Variants in FRMD4A observed in about 807,000 individuals in gnomAD.
FRMD4A encodes the protein FERM domain containing 4A, also known as FERM domain-containing protein 4A.
In FRMD4A, 29 loss-of-function variants were observed where a neutral mutation model predicts 129.1. That is an observed-to-expected ratio of 0.22 (90% CI 0.17 to 0.31). The LOEUF (loss-of-function observed/expected upper bound fraction) is 0.31, where lower values mean the gene tolerates loss of function less well. Among genes scored for constraint, FRMD4A ranks in the 10% least tolerant of loss-of-function variants. The pLI, the probability that FRMD4A is intolerant of heterozygous loss-of-function variation, is 1.00. For missense variants in FRMD4A, 1,272 were observed against 1,375.8 expected, an observed-to-expected ratio of 0.92 and a Z score of 1.19; for synonymous variants, 634 against 571.6, an observed-to-expected ratio of 1.11 and a Z score of -1.56.
intron 2 of FRMD4A, among the ~76,000 whole-genome samples, chr10:13,989,396 G>A (rs949208405): frequency 2.6e-5 from 4 of 151,816 alleles, no homozygotes; most frequent in African/African-American, 9.7e-5. Context: ...TCGCTCTGTC[G>A]CCAGGCTGGA....
chr10:13,740,410 A>AC, intron 10 of FRMD4A, 102 bp downstream of exon 10: 1 of 877,262 alleles, frequency 1.1e-6, no homozygotes, highest in Non-Finnish European at 1.9e-6. Context: ...TACACCCCCC[A>AC]CTCCCAGATA....
chr10:14,256,337 T>A (rs1844613657), intron 2 of FRMD4A, among the ~76,000 whole-genome samples: 1 of 152,144 alleles, frequency 6.6e-6, no homozygotes, highest in African/African-American at 2.4e-5. Context: ...TGACTGTAAT[T>A]CAAAAAGTGA....
intron 2 of FRMD4A, among the ~76,000 whole-genome samples, chr10:13,967,060 G>A (rs746669761): frequency 7.2e-5 from 11 of 152,186 alleles, no homozygotes; most frequent in South Asian, 2.1e-4. Flanking sequence ...ACAACGGGCC[G>A]GGCGCGGTGG....
At chr10:13,772,451 A>T (rs777773347) in intron 6 of FRMD4A, among the ~76,000 whole-genome samples, 2 of 152,068 alleles carry the variant, frequency 1.3e-5, no homozygotes, top group African/African-American at 4.8e-5. Flanking sequence ...GGAGCTGTCA[A>T]TGCTGGTTTA....
intron 2 of FRMD4A, among the ~76,000 whole-genome samples, chr10:13,951,139 C>T (rs952648588): frequency 2.0e-5 from 3 of 152,068 alleles, no homozygotes; most frequent in Non-Finnish European, 4.4e-5. Flanking sequence ...GAAGGAGCTA[C>T]AGAAACATTG....
intron 2 of FRMD4A, among the ~76,000 whole-genome samples, chr10:14,125,054 T>C (rs769574870): frequency 1.6e-4 from 25 of 152,216 alleles, no homozygotes; most frequent in Non-Finnish European, 2.4e-4. Flanking sequence ...CCTTTACAAA[T>C]GAGGTCGACG....
intron 2 of FRMD4A, among the ~76,000 whole-genome samples, chr10:14,068,071 A>G (rs1285751249): frequency 2.0e-5 from 3 of 152,258 alleles, no homozygotes; most frequent in African/African-American, 7.2e-5. Flanking sequence ...TATTAAATTA[A>G]TCAATGTGCT....
At chr10:14,056,211 T>C (rs186461954) in intron 2 of FRMD4A, among the ~76,000 whole-genome samples, 13 of 152,264 alleles carry the variant, frequency 8.5e-5, no homozygotes, top group African/African-American at 2.6e-4. Flanking sequence ...TTTGTATTTT[T>C]AGTAGAGATA....
chr10:14,272,706 T>C (rs1000260312), intron 2 of FRMD4A, among the ~76,000 whole-genome samples: 2 of 152,172 alleles, frequency 1.3e-5, no homozygotes, highest in African/African-American at 2.4e-5. Flanking sequence ...GCAATTTCAG[T>C]GAGTGACACT....
chr10:13,824,953 T>A (rs1480005684), intron 3 of FRMD4A, among the ~76,000 whole-genome samples: 5 of 149,258 alleles, frequency 3.3e-5, no homozygotes, highest in African/African-American at 1.2e-4. Context: ...TACAGGAGGA[T>A]GTGTCTAGGT....
intron 15 of FRMD4A, among the ~76,000 whole-genome samples, chr10:13,679,123 A>G (rs1159229523): frequency 6.6e-6 from 1 of 151,886 alleles, no homozygotes; most frequent in Non-Finnish European, 1.5e-5. Flanking sequence ...ATCCACTTTT[A>G]AAAAACACAT....
chr10:14,008,447 C>T (rs181908763), intron 2 of FRMD4A: 2 of 1,002,024 alleles, frequency 2.0e-6, no homozygotes, highest in African/African-American at 1.7e-5. Context: ...GCTGGCTCAG[C>T]GAGACTGCCG....
chr10:14,063,502 T>A (rs1475847963), intron 2 of FRMD4A, among the ~76,000 whole-genome samples: 1 of 151,900 alleles, frequency 6.6e-6, no homozygotes, highest in Non-Finnish European at 1.5e-5. Context: ...TAGCCCAAAT[T>A]AAAGAGCTGG....
At chr10:14,301,875 T>A (rs905848073) in intron 2 of FRMD4A, among the ~76,000 whole-genome samples, 1 of 152,126 alleles carries the variant, frequency 6.6e-6, no homozygotes, top group Non-Finnish European at 1.5e-5. Context: ...GAGTAGGCTG[T>A]ATAACCCTGG....
chr10:14,079,545 C>T (rs1835807549), intron 2 of FRMD4A, among the ~76,000 whole-genome samples: 1 of 152,202 alleles, frequency 6.6e-6, no homozygotes, highest in Admixed American at 6.5e-5. Context: ...AATCAAGCCC[C>T]TGGAATAATG....
chr10:13,960,433 T>C (rs2095439223), intron 2 of FRMD4A, among the ~76,000 whole-genome samples: 1 of 152,232 alleles, frequency 6.6e-6, no homozygotes, highest in African/African-American at 2.4e-5. Flanking sequence ...AGTAAATTGA[T>C]AACTGTGACT....
At chr10:14,088,584 C>T (rs1836438014) in intron 2 of FRMD4A, among the ~76,000 whole-genome samples, 2 of 151,834 alleles carry the variant, frequency 1.3e-5, no homozygotes, top group Admixed American at 1.3e-4. Flanking sequence ...CTGGCCTACA[C>T]GGCAAAACCC....
chr10:13,881,860 G>C lies in FRMD4A; in HGVS notation c.46-22948C>G, dbSNP rs77668106. On this transcript the variant is annotated intron_variant, in intron 2 of 24. Transcript: ENST00000357447. ...GGAGGAACAGGAGCAGGGAACACTG[G>C]AGGCTCCAAGTAAAGAATGAGTAGG... Among the ~76,000 whole-genome samples, 517 of 151,478 alleles carry C rather than the reference G, an allele frequency of 3.4e-3. 10 individuals are homozygous for C. The highest frequency in any genetic ancestry group is 4.8e-3 in the Admixed American group (73 of 15,166).
Position 13,656,690 on chromosome 10 carries a change from A to G in FRMD4A, c.2899T>C (p.Phe967Leu), listed in dbSNP as rs745639287. 2 of 1,564,974 alleles carry G rather than the reference A, an allele frequency of 1.3e-6. No homozygotes were observed. The highest frequency in any genetic ancestry group is 2.3e-5 in the South Asian group (2 of 85,124). The change falls in exon 22 of 25, where the codon TTC (phenylalanine) becomes CTC (leucine). Residue 967 changes from phenylalanine to leucine, a missense_variant. Around this residue, in one of 2 missense-constraint regions of FRMD4A, gnomAD observed 972 missense variants for 892.3 expected, o/e 1.09. Transcript: ENST00000357447. ...SQYSTSSQST[F>L]VAHSRVTRMP... is the part of the protein sequence containing the mutation. ...CTGGTGACCCTGCTGTGCGCCACGAAGGTGCTCTGGGAGGAGGTGCTGTAC... is the reference window on the plus strand; with the variant it reads ...CTGGTGACCCTGCTGTGCGCCACGAGGGTGCTCTGGGAGGAGGTGCTGTAC...
Sources: allele counts gnomAD v4.1 joint callset (sites outside exome capture counted in the v4.1 genomes callset), GRCh38; gene constraint gnomAD v4.1.1; regional missense constraint gnomAD v4.1.1; transcripts MANE v1.5; gene names NCBI Gene and HGNC (gene_info 2026-07-23, HGNC 2026-07-21).